Variants in CENPF observed in about 807,000 individuals in gnomAD.
CENPF encodes centromere protein F, also known as AH antigen.
Under a neutral mutation model 307.3 loss-of-function variants are expected in CENPF, and 214 were observed. The observed-to-expected ratio is 0.70, with a 90% CI of 0.62 to 0.78. CENPF has a LOEUF of 0.78. CENPF is among the 30% of genes least tolerant of loss of function. CENPF has a pLI of 0.00. For missense variants in CENPF, 3,401 were observed against 3,483.9 expected (o/e 0.98, Z 0.60); for synonymous variants, 1,259 against 1,270.6 (o/e 0.99, Z 0.19).
At chr1:214,652,790 A>C in intron 15 of CENPF, 38 bp from the exon 16 acceptor site, 2 of 1,522,274 alleles carry the variant, frequency 1.3e-6, no homozygotes, top group Non-Finnish European at 1.8e-6. Flanking sequence ...CTCCTGGCTA[A>C]AGTAACATTT....
intron 17 of CENPF, among the ~76,000 whole-genome samples, chr1:214,656,086 C>T (rs746108721): frequency 7.2e-5 from 11 of 152,152 alleles, no homozygotes; most frequent in Non-Finnish European, 1.6e-4. Flanking sequence ...TCTGGTTATC[C>T]TCAGTCCATT....
chr1:214,650,983 A>G (rs1658446133), intron 14 of CENPF, among the ~76,000 whole-genome samples: 1 of 152,200 alleles, frequency 6.6e-6, no homozygotes, highest in Non-Finnish European at 1.5e-5. Flanking sequence ...GCAGCCCCAG[A>G]TACTACTTAG....
Position 214,645,089 on chromosome 1 carries a change from C to T in CENPF, c.5519C>T (p.Ser1840Leu), listed in dbSNP as rs1208993094. 1 of 1,612,986 alleles carries T rather than the reference C, an allele frequency of 6.2e-7. No homozygotes were observed. Among genetic ancestry groups the T allele is most frequent in the Non-Finnish European group, 8.5e-7 (1 of 1,179,782 alleles). ...GTTGGGGAACTTAAGAAAGAAAACT[C>T]AGATTTAAGTGAAAAATTGGAATAT... Reference protein sequence around the residue: ...KIVGELKKENSDLSEKLEYFS... With the variant: ...KIVGELKKENLDLSEKLEYFS... Residue 1840 changes from serine to leucine, a missense_variant, in exon 13 of 20, where the codon TCA (serine) becomes TTA (leucine). Transcript: ENST00000366955.
rs1490219992 is a variant in CENPF at position 214,658,947 on chromosome 1, A to C, written c.9060A>C (p.Leu3020Phe). ...RTSPRLAAQKLALSPLSLGKE... is the reference protein window; with the variant it reads ...RTSPRLAAQKFALSPLSLGKE... ...GCCCCCGCCTGGCTGCACAGAAGTT[A>C]GCGCTATCCCCACTGAGTCTCGGCA... is the stretch of plus-strand genomic sequence containing the variant. The change falls in exon 19 of 20, where the codon TTA becomes TTC. Residue 3020 changes from leucine (L) to phenylalanine (F), a missense_variant. Physicochemically the swap from Leu to Phe is conservative, Grantham distance 22. Transcript: ENST00000366955. 1.2e-5 allele frequency: 20 copies of C among 1,614,024 alleles called. No individual in the cohort carries two copies. Among genetic ancestry groups the C allele is most frequent in the Non-Finnish European group, 1.5e-5 (18 of 1,180,010 alleles).
intron 1 of CENPF, among the ~76,000 whole-genome samples, chr1:214,609,770 G>A (rs1376193094): frequency 6.6e-6 from 1 of 152,044 alleles, no homozygotes; most frequent in East Asian, 1.9e-4. Context: ...CTCAGTGTCT[G>A]TTGTTCCCTT....
At chr1:214,615,164 T>A (rs1657302077) in intron 3 of CENPF, 136 bp downstream of exon 3, 2 of 537,514 alleles carry the variant, frequency 3.7e-6, no homozygotes. Context: ...ATTCGGTCTC[T>A]GTACCGTAAC....
chr1:214,639,195 G>T (rs1186493778), intron 11 of CENPF, among the ~76,000 whole-genome samples: 1 of 152,136 alleles, frequency 6.6e-6, no homozygotes, highest in Non-Finnish European at 1.5e-5. Flanking sequence ...ACTGTTTAAT[G>T]AAAACATCGT....
intron 1 of CENPF, chr1:214,608,894 C>T (rs1222525441): frequency 1.8e-5 from 25 of 1,398,402 alleles, no homozygotes; most frequent in Non-Finnish European, 6.5e-6. Flanking sequence ...ACAACGCCGC[C>T]CGGCCTGGCC....
At position 214,646,952 on chromosome 1, in the gene CENPF, A is replaced by G. The variant is rs1188433139; in HGVS notation, c.7382A>G (p.Gln2461Arg). The stretch of plus-strand genomic sequence containing the variant: ...AGAGTGGCAGCCCTGCATAATGACC[A>G]AGAAGCCTGTAAGGCCAAAGAGCAG... ...NERVAALHND[Q>R]EACKAKEQNL... The change falls in exon 13 of 20, where the codon CAA (glutamine) becomes CGA (arginine). Residue 2461 changes from glutamine (Q) to arginine (R), a missense_variant. Physicochemically the swap from Gln to Arg is conservative, Grantham distance 43. Coordinates refer to ENST00000366955, the MANE Select transcript of CENPF (RefSeq NM_016343.4). The G allele has an allele frequency of 6.2e-7, 1 of 1,613,972 alleles. No individual in the cohort carries two copies. Among genetic ancestry groups the G allele is most frequent in the East Asian group, 2.2e-5 (1 of 44,882 alleles).
chr1:214,660,086 G>A (rs1280076749), intron 19 of CENPF, among the ~76,000 whole-genome samples: 1 of 152,164 alleles, frequency 6.6e-6, no homozygotes, highest in Non-Finnish European at 1.5e-5. Context: ...TTACACGTGG[G>A]CGATCTAAAG....
Position 214,645,324 on chromosome 1 carries a change from C to T in CENPF, c.5754C>T (p.Ala1918=), listed in dbSNP as rs377730723. 7 of 1,613,864 alleles carry T rather than the reference C, an allele frequency of 4.3e-6. No individual in the cohort carries two copies. The Admixed American group carries it at 5.0e-5, about 12-fold the overall frequency. ...RSEKASIEHE[A]LYLEADLEVV... is the part of the protein sequence containing the mutation. ...AGAAAGCTAGCATTGAGCATGAAGC[C>T]CTCTACCTGGAGGCTGACTTAGAGG... Residue 1918 remains alanine, a synonymous_variant, in exon 13 of 20, where the codon GCC becomes GCT. Coordinates refer to ENST00000366955, the MANE Select transcript of CENPF (RefSeq NM_016343.4).
chr1:214,621,046 T>C, intron 6 of CENPF, 100 bp downstream of exon 6: 1 of 1,126,320 alleles, frequency 8.9e-7, no homozygotes. Context: ...ATGTGTTTTG[T>C]TAGGCACATC....
Position 214,620,867 on chromosome 1 carries a change from GA to G in CENPF, c.790del (p.Arg264GlufsTer20), listed in dbSNP as rs1474523856. ...TPSRSTLQIG[K>X]RDANSSFFDN... ...CAAGTCGATCAACTTTGCAAATAGG[GA>G]AAAGAGATGCTAATAGCAGTTTCTT... On this transcript the variant is annotated frameshift_variant, in exon 6 of 20. Transcript: ENST00000366955. LOFTEE classifies it high-confidence loss of function. 1 of 1,614,154 alleles carries G rather than the reference GA, an allele frequency of 6.2e-7. No individual in the cohort carries two copies. The highest frequency in any genetic ancestry group is 8.5e-7 in the Non-Finnish European group (1 of 1,180,014).
Position 214,641,426 on chromosome 1 carries a change from G to A in CENPF, c.3088G>A (p.Glu1030Lys). 6.4e-7 allele frequency: 1 copy of A among 1,567,322 alleles called. No individual in the cohort carries two copies. The highest frequency in any genetic ancestry group is 8.6e-7 in the Non-Finnish European group (1 of 1,165,696). The change falls in exon 12 of 20, where the codon GAA becomes AAA. Residue 1030 changes from glutamate to lysine, a missense_variant. Glu to Lys is a moderately conservative substitution (Grantham distance 56). Transcript: ENST00000366955. ...QEKLILLQRC[E>K]ETGNAYEDLS... Reference sequence around the variant, plus strand: ...AAAACTTATTTTACTACAAAGATGTGAAGAAACCGGAAATGCATATGAGGA... The same window carrying A: ...AAAACTTATTTTACTACAAAGATGTAAAGAAACCGGAAATGCATATGAGGA...
At chr1:214,637,793 C>T in intron 10 of CENPF, 73 bp from the exon 11 acceptor site, 1 of 1,488,854 alleles carries the variant, frequency 6.7e-7, no homozygotes, top group African/African-American at 1.4e-5. Flanking sequence ...TGCTAGGGAC[C>T]TTTATTAAGG....
rs868614988 is a variant in CENPF at position 214,647,277 on chromosome 1, C to T, written c.7707C>T (p.Ile2569=). The change falls in exon 13 of 20, where the codon ATC becomes ATT. Residue 2569 remains isoleucine (I), a synonymous_variant. Transcript: ENST00000366955. Reference sequence around the variant, plus strand: ...TGACAGTGGAATTGGAGCAGAAGATCCAAGTGCTACAATCCAAAAATGCCT... The same window carrying T: ...TGACAGTGGAATTGGAGCAGAAGATTCAAGTGCTACAATCCAAAAATGCCT... ...RNLTVELEQK[I]QVLQSKNASL... is the part of the protein sequence containing the mutation. The T allele has an allele frequency of 6.2e-7, 1 of 1,614,054 alleles. No individual in the cohort carries two copies. Among genetic ancestry groups the T allele is most frequent in the East Asian group, 2.2e-5 (1 of 44,870 alleles).
chr1:214,617,653 A>G (rs1217656448), intron 3 of CENPF, among the ~76,000 whole-genome samples: 1 of 152,084 alleles, frequency 6.6e-6, no homozygotes, highest in Non-Finnish European at 1.5e-5. Flanking sequence ...CATTATATTG[A>G]TTTAATTTTT....
At chr1:214,647,822 T>G (rs558784338) in intron 13 of CENPF, 27 of 313,784 alleles carry the variant, frequency 8.6e-5, no homozygotes, top group Middle Eastern at 8.0e-4. Context: ...ACTGTGTCTT[T>G]TTTGCCTTCA....
chr1:214,649,746 C>CT (rs1282686198), intron 14 of CENPF, among the ~76,000 whole-genome samples: 1 of 152,138 alleles, frequency 6.6e-6, no homozygotes, highest in Non-Finnish European at 1.5e-5. Flanking sequence ...GCTGAAATCT[C>CT]TTTTGGTGTT....
Sources: gnomAD v4.1 joint callset for allele counts (sites outside exome capture counted in the v4.1 genomes callset) on GRCh38, gnomAD v4.1.1 for gene constraint, MANE v1.5 for transcripts, NCBI Gene and HGNC (gene_info 2026-07-23, HGNC 2026-07-21) for gene names.